The following SLC38A1 variants were observed in gnomAD, a reference collection of about 807,000 sequenced individuals.
The protein encoded by SLC38A1 is sodium-coupled neutral amino acid symporter 1.
A neutral mutation model predicts 60.3 loss-of-function variants in SLC38A1; 18 were observed. That is an observed-to-expected ratio of 0.30 (90% confidence interval 0.21 to 0.44). The LOEUF is 0.44. Among genes scored for constraint, SLC38A1 ranks in the 20% least tolerant of loss-of-function variants. The pLI, the probability that SLC38A1 is intolerant of heterozygous loss-of-function variation, is 1.00. For synonymous variants in SLC38A1, 196 were observed against 212.1 expected (o/e 0.92, Z 0.66); for missense variants, 448 against 587.2 (o/e 0.76, Z 2.45).
At chr12:46,211,648 C>A (rs1015107839) in intron 5 of SLC38A1, among the ~76,000 whole-genome samples, 28 of 152,198 alleles carry the variant, frequency 1.8e-4, no homozygotes, top group African/African-American at 5.5e-4. Context: ...CCTTTTCAAG[C>A]CGGAGAAAAG....
At chr12:46,249,118 T>G (rs1204804841) in intron 1 of SLC38A1, among the ~76,000 whole-genome samples, 1 of 133,090 alleles carries the variant, frequency 7.5e-6, no homozygotes, top group Non-Finnish European at 1.5e-5. Flanking sequence ...ATCGTGCCAC[T>G]GCACTCCAGA....
rs375543520 is a variant in SLC38A1 at position 46,239,715 on chromosome 12, T to C, written c.86A>G (p.Asn29Ser). Reference sequence around the variant, plus strand: ...ACCATTTTCTACTTCGGTGAAATCATTGGAGTCATTGCTAATGTTATCATC... The same window carrying C: ...ACCATTTTCTACTTCGGTGAAATCACTGGAGTCATTGCTAATGTTATCATC... ...PEDDNISNDS[N>S]DFTEVENGQI... Residue 29 changes from asparagine to serine, a missense_variant, in exon 3 of 17, where the codon AAT (asparagine) becomes AGT (serine). Asn to Ser is a conservative substitution (Grantham distance 46). Around this residue, in one of 2 missense-constraint regions of SLC38A1, gnomAD observed 102 missense variants for 89.7 expected, o/e 1.14. Transcript: ENST00000398637. 55 of 1,613,610 alleles carry C rather than the reference T, an allele frequency of 3.4e-5. No individual in the cohort carries two copies. The Middle Eastern group carries it at 6.9e-4, about 20-fold the overall frequency.
intron 15 of SLC38A1, 38 bp from the exon 16 acceptor site, chr12:46,197,855 A>G (rs763839576): frequency 4.4e-6 from 7 of 1,602,750 alleles, no homozygotes; most frequent in South Asian, 3.4e-5. Context: ...TAGCATTGCT[A>G]TTGTGAAAAT....
intron 5 of SLC38A1, among the ~76,000 whole-genome samples, chr12:46,210,868 G>A (rs1443559131): frequency 6.6e-6 from 1 of 152,194 alleles, no homozygotes; most frequent in African/African-American, 2.4e-5. Context: ...TCTCAGGAAT[G>A]TCTTTATCAG....
Position 46,244,641 on chromosome 12 carries a change from A to G in SLC38A1, c.-208-1327T>C, listed in dbSNP as rs79616617. ...GATGTGTTCCTCTAGCATGCACTTGAGATAATGGCTTCCTGATTTCCAGAC... is the reference window on the plus strand; with the variant it reads ...GATGTGTTCCTCTAGCATGCACTTGGGATAATGGCTTCCTGATTTCCAGAC... On this transcript the variant is annotated intron_variant, in intron 1 of 16. Transcript: ENST00000398637. 4.2e-3 allele frequency among the ~76,000 whole-genome samples: 635 copies of G among 152,282 alleles called. 2 individuals are homozygous for G. The highest frequency in any genetic ancestry group is 0.017 in the Middle Eastern group (5 of 294).
intron 1 of SLC38A1, among the ~76,000 whole-genome samples, chr12:46,246,721 C>A (rs1391781718): frequency 6.6e-6 from 1 of 152,202 alleles, no homozygotes; most frequent in Non-Finnish European, 1.5e-5. Context: ...GGTCCCTGAC[C>A]CCCGTTTAGC....
At position 46,268,981 on chromosome 12, in the gene SLC38A1, CG is replaced by C. The variant is rs913502808; in HGVS notation, c.-665del. 2 of 400,212 alleles carry C rather than the reference CG, an allele frequency of 5.0e-6. No individual in the cohort carries two copies. The highest frequency in any genetic ancestry group is 4.1e-5 in the African/African-American group (2 of 48,954). The allele number at this position is 400,212 out of a possible 1,614,324, so 24.8% of individuals were successfully genotyped here. A position where few individuals can be genotyped will look rare whatever the true frequency, so the allele number is the denominator to read the frequency against. On this transcript the variant is annotated 5_prime_UTR_variant, in exon 1 of 17. Coordinates refer to ENST00000398637, the MANE Select transcript of SLC38A1 (RefSeq NM_030674.4). This position sits in a 1 kb window ranked among gnomAD's most constrained non-coding sequence, Gnocchi z 4.4. ...TTAACGCGGACAGGCCATTCCTCCC[CG>C]TCCCGCGCGCGGTCTCCTCCCCTCC...
chr12:46,258,492 A>G (rs1339491601), intron 1 of SLC38A1, among the ~76,000 whole-genome samples: 2 of 152,208 alleles, frequency 1.3e-5, no homozygotes, highest in Admixed American at 6.5e-5. Context: ...GCAATTTTAC[A>G]TAATATTTTA....
At chr12:46,258,771 G>A (rs574454586) in intron 1 of SLC38A1, among the ~76,000 whole-genome samples, 5 of 152,014 alleles carry the variant, frequency 3.3e-5, no homozygotes, top group Admixed American at 6.6e-5. Context: ...CTCCTGCTTC[G>A]GCCTCCCGAG....
intron 1 of SLC38A1, among the ~76,000 whole-genome samples, chr12:46,261,051 G>A (rs1942180915): frequency 6.6e-6 from 1 of 152,066 alleles, no homozygotes; most frequent in African/African-American, 2.4e-5. Context: ...TCCTGCAATG[G>A]GTCTACTCTT....
At chr12:46,252,527 TAATA>T (rs1372090278) in intron 1 of SLC38A1, among the ~76,000 whole-genome samples, 1 of 151,798 alleles carries the variant, frequency 6.6e-6, no homozygotes, top group Non-Finnish European at 1.5e-5. Flanking sequence ...CATTCTTTAT[TAATA>T]AATAAATGCT....
intron 5 of SLC38A1, among the ~76,000 whole-genome samples, chr12:46,210,969 A>G (rs1490804262): frequency 6.6e-6 from 1 of 152,240 alleles, no homozygotes; most frequent in Non-Finnish European, 1.5e-5. Context: ...GCAAGCATTT[A>G]TTAGCCAACC....
In SLC38A1 at chr12:46,206,140, C is replaced by T. The variant is rs369346779; in HGVS notation, c.586G>A (p.Val196Ile). The T allele has an allele frequency of 1.3e-5, 21 of 1,610,172 alleles. No individual in the cohort carries two copies. The highest frequency in any genetic ancestry group is 1.1e-4 in the East Asian group (5 of 44,690). Residue 196 changes from valine to isoleucine, a missense_variant, in exon 9 of 17, where the codon GTT becomes ATT. By Grantham distance (29) the Val-to-Ile change is conservative. Transcript: ENST00000398637. ...TFSAWYVDGR[V>I]LVVIVTFGII... ...CCAAAGGTAACTATCACCACCAGAA[C>T]GCGGCCATCCACGTACCAGGCTCTG...
intron 9 of SLC38A1, among the ~76,000 whole-genome samples, chr12:46,205,846 A>C (rs1438488786): frequency 1.3e-5 from 2 of 152,160 alleles, no homozygotes; most frequent in Non-Finnish European, 2.9e-5. Flanking sequence ...TCCTGGCCCC[A>C]GGACCTCCCT....
intron 14 of SLC38A1, among the ~76,000 whole-genome samples, chr12:46,198,417 G>A (rs914576346): frequency 2.0e-5 from 3 of 152,086 alleles, no homozygotes; most frequent in Non-Finnish European, 4.4e-5. Context: ...AATTAGAATG[G>A]AGATTCACTG....
intron 3 of SLC38A1, among the ~76,000 whole-genome samples, chr12:46,231,631 T>C (rs1492897): frequency 0.52 from 78,502 of 152,024 alleles, 21,373 homozygotes; most frequent in East Asian, 0.71. Context: ...CAATGATGCA[T>C]GCCTATTTAA....
chr12:46,196,064 G>A lies in SLC38A1; in HGVS notation c.1362+1656C>T. 6 of 1,349,010 alleles carry A rather than the reference G, an allele frequency of 4.4e-6. No homozygotes were observed. In the South Asian group the frequency reaches 7.6e-5, roughly 17 times the overall value. The allele number at this position is 1,349,010 out of a possible 1,614,324, so 83.6% of individuals were successfully genotyped here. On this transcript the variant is annotated intron_variant, in intron 16 of 16. Coordinates refer to ENST00000398637, the MANE Select transcript of SLC38A1 (RefSeq NM_030674.4). ...TTGCTGGGAGCTGCAGACCAGAGCT[G>A]TTCCTATTTGGCTATCTTGGAAGCA...
rs542499008 is a variant in SLC38A1 at position 46,239,765 on chromosome 12, C to T, written c.36G>A (p.Glu12=). Residue 12 remains glutamate, a synonymous_variant, in exon 3 of 17, where the codon GAG becomes GAA. Coordinates refer to ENST00000398637, the MANE Select transcript of SLC38A1 (RefSeq NM_030674.4). The part of the protein sequence containing the change: ...MHFKSGLELT[E]LQNMTVPEDD... ...CCTCGGGCACTGTCATGTTTTGCAA[C>T]TCAGTTAATTCGAGTCCACTTTTGA... 1.5e-4 allele frequency: 249 copies of T among 1,613,340 alleles called. 6 individuals are homozygous for T. The South Asian group carries it at 2.6e-3, about 17-fold the overall frequency.
chr12:46,247,701 T>C (rs1036249435), intron 1 of SLC38A1, among the ~76,000 whole-genome samples: 9 of 152,100 alleles, frequency 5.9e-5, no homozygotes, highest in Non-Finnish European at 1.0e-4. Flanking sequence ...AAAGATAGTC[T>C]TCAAGAAGAG....
Sources: allele counts gnomAD v4.1 joint callset (sites outside exome capture counted in the v4.1 genomes callset), GRCh38; gene constraint gnomAD v4.1.1; regional missense constraint gnomAD v4.1.1; non-coding constraint Gnocchi (gnomAD v3.1); transcripts MANE v1.5; gene names NCBI Gene and HGNC (gene_info 2026-07-23, HGNC 2026-07-21).